Variants in FCHSD2 observed in about 807,000 individuals in gnomAD.
FCHSD2 encodes the protein F-BAR and double SH3 domains protein 2.
FCHSD2 carries 38 observed loss-of-function variants against 108.1 expected under a neutral mutation model. The ratio of observed to expected loss-of-function variants is 0.35; its 90% confidence interval spans 0.27 to 0.46. The LOEUF (loss-of-function observed/expected upper bound fraction) is 0.46. Among genes scored for constraint, FCHSD2 ranks in the 20% least tolerant of loss-of-function variants. The pLI, the probability that FCHSD2 is intolerant of heterozygous loss-of-function variation, is 1.00. For missense variants in FCHSD2, 751 were observed against 897.8 expected, an observed-to-expected ratio of 0.84 and a Z score of 2.09; for synonymous variants, 279 against 314.7, an observed-to-expected ratio of 0.89 and a Z score of 1.20.
At chr11:72,980,494 C>T (rs1034392988) in intron 8 of FCHSD2, among the ~76,000 whole-genome samples, 1 of 151,612 alleles carries the variant, frequency 6.6e-6, no homozygotes, top group Non-Finnish European at 1.5e-5. Flanking sequence ...TGAACTTTAA[C>T]GAGGATAACA....
chr11:73,053,097 C>CAGCCTCCCAA (rs554451821), intron 3 of FCHSD2, among the ~76,000 whole-genome samples: 122 of 150,482 alleles, frequency 8.1e-4, no homozygotes, highest in Non-Finnish European at 1.5e-3. Flanking sequence ...CTGCCCACCT[C>CAGCCTCCCAA]AGCCTCCCAA....
At chr11:73,048,724 C>G (rs921939986) in intron 3 of FCHSD2, among the ~76,000 whole-genome samples, 2 of 152,150 alleles carry the variant, frequency 1.3e-5, no homozygotes, top group Non-Finnish European at 2.9e-5. Context: ...CTCCATTCTA[C>G]TAGTCCAAGC....
At chr11:72,951,799 T>C (rs1856625258) in intron 8 of FCHSD2, among the ~76,000 whole-genome samples, 1 of 152,230 alleles carries the variant, frequency 6.6e-6, no homozygotes, top group South Asian at 2.1e-4. Flanking sequence ...TCACAATCTC[T>C]TTATAAATTC....
At chr11:72,941,581 C>T (rs1856420033) in intron 8 of FCHSD2, among the ~76,000 whole-genome samples, 2 of 151,794 alleles carry the variant, frequency 1.3e-5, no homozygotes, top group African/African-American at 2.4e-5. Context: ...GTTGTTTAAA[C>T]AACATGAAAT....
At chr11:72,894,053 A>G (rs140891884) in intron 10 of FCHSD2, among the ~76,000 whole-genome samples, 1 of 152,350 alleles carries the variant, frequency 6.6e-6, no homozygotes, top group East Asian at 1.9e-4. Context: ...CTCTGTAACT[A>G]AAATATAACC....
At chr11:72,926,655 A>G (rs1366444324) in intron 8 of FCHSD2, among the ~76,000 whole-genome samples, 1 of 152,154 alleles carries the variant, frequency 6.6e-6, no homozygotes, top group Non-Finnish European at 1.5e-5. Flanking sequence ...TTTTAACAGT[A>G]AATAAAATTC....
intron 8 of FCHSD2, among the ~76,000 whole-genome samples, chr11:72,930,373 C>T (rs1406631783): frequency 6.6e-6 from 1 of 152,198 alleles, no homozygotes; most frequent in African/African-American, 2.4e-5. Context: ...CTGAAGATCA[C>T]CCAATCTGTC....
chr11:72,896,040 A>G (rs1484297714), intron 10 of FCHSD2, among the ~76,000 whole-genome samples: 1 of 152,234 alleles, frequency 6.6e-6, no homozygotes, highest in Non-Finnish European at 1.5e-5. Context: ...TATTTTTTTA[A>G]TAGATGCATA....
At chr11:72,964,463 C>G (rs1246016965) in intron 8 of FCHSD2, among the ~76,000 whole-genome samples, 2 of 152,194 alleles carry the variant, frequency 1.3e-5, no homozygotes, top group Non-Finnish European at 2.9e-5. Context: ...CCCCTTTGTG[C>G]TACTACCACA....
Position 72,849,756 on chromosome 11 carries a change from T to A in FCHSD2, c.1442A>T (p.Lys481Met). ...ACATTATGTTGGAGAAATACAAACC[T>A]TGTAGGAATAAACAACTTTGCAGGT... ...PLTCKVVYSY[K>M]ASQPDELTIE... Residue 481 changes from lysine (K) to methionine (M), a missense_variant and splice_region_variant, in exon 14 of 20, where the codon AAG becomes ATG. Physicochemically the swap from Lys to Met is moderately conservative, Grantham distance 95. Transcript: ENST00000409418. 6.2e-7 allele frequency: 1 copy of A among 1,608,944 alleles called. No individual in the cohort carries two copies.
chr11:73,047,278 A>G (rs2135471119), intron 3 of FCHSD2, among the ~76,000 whole-genome samples: 1 of 152,164 alleles, frequency 6.6e-6, no homozygotes, highest in Non-Finnish European at 1.5e-5. Context: ...ATGAAACAGG[A>G]TGTCAAAATA....
At chr11:73,005,405 A>G (rs1397663684) in intron 4 of FCHSD2, among the ~76,000 whole-genome samples, 1 of 152,188 alleles carries the variant, frequency 6.6e-6, no homozygotes, top group Non-Finnish European at 1.5e-5. Context: ...TACTCGACCT[A>G]TCAGCAACAC....
At chr11:73,015,960 C>G (rs1280013430) in intron 3 of FCHSD2, 75 bp from the exon 4 acceptor site, 1 of 765,284 alleles carries the variant, frequency 1.3e-6, no homozygotes, top group African/African-American at 1.8e-5. Flanking sequence ...AAATACATGA[C>G]TTAGAAAATC....
At chr11:73,120,051 C>T (rs188329649) in intron 2 of FCHSD2, among the ~76,000 whole-genome samples, 24 of 152,230 alleles carry the variant, frequency 1.6e-4, no homozygotes, top group African/African-American at 5.8e-4. Flanking sequence ...GATGCAAAAG[C>T]AGAAACCCCT....
intron 3 of FCHSD2, among the ~76,000 whole-genome samples, chr11:73,070,527 G>A (rs1217189263): frequency 2.0e-5 from 3 of 152,044 alleles, no homozygotes; most frequent in South Asian, 2.1e-4. Context: ...GGGTTCAAGC[G>A]ATTCTCCTGC....
In FCHSD2 at chr11:72,924,239, C is replaced by T. The variant is rs112222854; in HGVS notation, c.706-2289G>A. On this transcript the variant is annotated intron_variant, in intron 8 of 19. Transcript: ENST00000409418. Reference sequence around the variant, plus strand: ...CACAGGCACTCACCACTGCATCTGGCTTACAAGTTTTAAATTTTGATGCAG... The same window carrying T: ...CACAGGCACTCACCACTGCATCTGGTTTACAAGTTTTAAATTTTGATGCAG... 5.4e-3 allele frequency among the ~76,000 whole-genome samples: 821 copies of T among 152,266 alleles called. 4 individuals carry two copies. Among genetic ancestry groups the T allele is most frequent in the South Asian group, 0.014 (68 of 4,828 alleles).
intron 6 of FCHSD2, among the ~76,000 whole-genome samples, chr11:72,985,768 T>C (rs961455339): frequency 9.9e-5 from 15 of 152,056 alleles, no homozygotes; most frequent in Non-Finnish European, 1.3e-4. Flanking sequence ...TTTGGGAGAG[T>C]AACCATAATC....
chr11:72,865,897 A>C (rs1418382461), intron 13 of FCHSD2, among the ~76,000 whole-genome samples: 2 of 152,218 alleles, frequency 1.3e-5, no homozygotes, highest in Non-Finnish European at 2.9e-5. Flanking sequence ...TGTATCATTA[A>C]GATCTATGAA....
chr11:73,069,841 G>A (rs558762565), intron 3 of FCHSD2, among the ~76,000 whole-genome samples: 1 of 152,158 alleles, frequency 6.6e-6, no homozygotes, highest in East Asian at 1.9e-4. Flanking sequence ...AAAACATCTA[G>A]ATTCATAAAT....
Sources: allele counts gnomAD v4.1 joint callset (sites outside exome capture counted in the v4.1 genomes callset), GRCh38; gene constraint gnomAD v4.1.1; transcripts MANE v1.5; gene names NCBI Gene and HGNC (gene_info 2026-07-23, HGNC 2026-07-21).